The following GAS7 variants were observed in gnomAD, a reference collection of about 807,000 sequenced individuals.
GAS7 encodes the protein growth arrest specific 7.
A neutral mutation model predicts 71.1 loss-of-function variants in GAS7; 28 were observed. The ratio of observed to expected loss-of-function variants is 0.39; its 90% CI spans 0.29 to 0.54. GAS7 has a LOEUF of 0.54. GAS7 is among the 20% of genes least tolerant of loss of function. GAS7 has a pLI of 0.62. For synonymous variants in GAS7, 258 were observed against 245.8 expected, an observed-to-expected ratio of 1.05 and a Z score of -0.46; for missense variants, 436 against 627.8, an observed-to-expected ratio of 0.69 and a Z score of 3.27.
intron 1 of GAS7, among the ~76,000 whole-genome samples, chr17:10,154,132 G>A (rs2074187296): frequency 6.6e-6 from 1 of 152,034 alleles, no homozygotes; most frequent in South Asian, 2.1e-4. Flanking sequence ...TGCCTTTTTG[G>A]CAAATAGAAT....
At chr17:10,137,885 G>A (rs1390597269) in intron 1 of GAS7, among the ~76,000 whole-genome samples, 2 of 151,916 alleles carry the variant, frequency 1.3e-5, no homozygotes, top group Admixed American at 6.6e-5. Context: ...AAGGGAGGGA[G>A]GGAAAGGAAA....
At chr17:10,129,601 T>C (rs2073980313) in intron 1 of GAS7, among the ~76,000 whole-genome samples, 1 of 152,174 alleles carries the variant, frequency 6.6e-6, no homozygotes, top group Non-Finnish European at 1.5e-5. Flanking sequence ...GACTAGGTGA[T>C]GCCTTCATAG....
chr17:9,968,227 C>A (rs7213443), intron 4 of GAS7, among the ~76,000 whole-genome samples: 2 of 152,088 alleles, frequency 1.3e-5, no homozygotes, highest in Non-Finnish European at 2.9e-5. Flanking sequence ...TACAAAGCCA[C>A]GGTTGATTCA....
At chr17:9,952,431 A>G (rs1395305401) in intron 5 of GAS7, among the ~76,000 whole-genome samples, 1 of 151,914 alleles carries the variant, frequency 6.6e-6, no homozygotes, top group Non-Finnish European at 1.5e-5. Flanking sequence ...TGCTCTTGTC[A>G]CCAAGGTTGG....
rs12943357 is a variant in GAS7 at position 10,005,184 on chromosome 17, T to C, written c.304+14593A>G. Reference sequence around the variant, plus strand: ...GTGTGCGCACGCATGCATGTATGTGTATGTGCACGCATGCATGTGTGTGCA... The same window carrying C: ...GTGTGCGCACGCATGCATGTATGTGCATGTGCACGCATGCATGTGTGTGCA... On this transcript the variant is annotated intron_variant, in intron 2 of 13. Coordinates refer to ENST00000432992, the MANE Select transcript of GAS7 (RefSeq NM_201433.2). Among the ~76,000 whole-genome samples the C allele has an allele frequency of 3.9e-3, 518 of 133,670 alleles. 8 individuals are homozygous for C. Among genetic ancestry groups the C allele is most frequent in the African/African-American group, 0.012 (486 of 38,944 alleles). The allele number at this position is 133,670 out of a possible 152,430, so 87.7% of individuals were successfully genotyped here. A position where few individuals can be genotyped will look rare whatever the true frequency, so the allele number is the denominator to read the frequency against.
chr17:10,059,747 C>T, intron 1 of GAS7: 1 of 985,276 alleles, frequency 1.0e-6, no homozygotes, highest in Non-Finnish European at 1.2e-6. Context: ...TTTTCTGCCA[C>T]CATCCCCACA....
intron 1 of GAS7, among the ~76,000 whole-genome samples, chr17:10,110,533 T>C (rs540008861): frequency 6.6e-6 from 1 of 152,292 alleles, no homozygotes; most frequent in Non-Finnish European, 1.5e-5. Context: ...TGGCGCAATC[T>C]TGGCTCACGG....
rs558006469 is a variant in GAS7, at chr17:10,148,961, C to T, written c.183+49247G>A. Among the ~76,000 whole-genome samples, 212 of 150,404 alleles carry T rather than the reference C, an allele frequency of 1.4e-3. 1 individual carries two copies. Among genetic ancestry groups the T allele is most frequent in the African/African-American group, 5.0e-3 (205 of 40,820 alleles). Reference sequence around the variant, plus strand: ...CTTGAACAGAACGGTATCAGGTCAACTGGATGATGAATAAATGATGGAGAA... The same window carrying T: ...CTTGAACAGAACGGTATCAGGTCAATTGGATGATGAATAAATGATGGAGAA... On this transcript the variant is annotated intron_variant, in intron 1 of 13. Coordinates refer to ENST00000432992, the MANE Select transcript of GAS7 (RefSeq NM_201433.2).
chr17:9,989,988 G>A (rs1000926109), intron 2 of GAS7, among the ~76,000 whole-genome samples: 2 of 152,168 alleles, frequency 1.3e-5, no homozygotes, highest in African/African-American at 4.8e-5. Context: ...AGCTCACCCT[G>A]GCCGGGCATG....
intron 1 of GAS7, among the ~76,000 whole-genome samples, chr17:10,186,470 G>A (rs1043258230): frequency 2.5e-4 from 36 of 144,186 alleles, no homozygotes; most frequent in Non-Finnish European, 1.5e-4. Flanking sequence ...GTGCGATCTC[G>A]GTGGCTCACT....
chr17:9,938,659 C>G (rs1247091726), intron 8 of GAS7, among the ~76,000 whole-genome samples: 1 of 151,556 alleles, frequency 6.6e-6, no homozygotes, highest in African/African-American at 2.4e-5. Context: ...TCCAGAGCCA[C>G]GAGAAAATAA....
intron 1 of GAS7, among the ~76,000 whole-genome samples, chr17:10,165,940 G>T (rs2074290638): frequency 6.6e-6 from 1 of 152,018 alleles, no homozygotes. Context: ...TTCTGTCCTT[G>T]GTCGGCCTCG....
In GAS7 at chr17:9,974,154, T is replaced by A. The variant is rs964315500; in HGVS notation, c.386-4392A>T. On this transcript the variant is annotated intron_variant, in intron 3 of 13. Transcript: ENST00000432992. The surrounding 1 kb of genome is among the most constrained non-coding windows in gnomAD (Gnocchi z 4.0). ...TCAGCTGATGGCTAATTACTGCTCA[T>A]GTCAAAACAATTACGAGGAAAGAAA... is the stretch of plus-strand genomic sequence containing the variant. Among the ~76,000 whole-genome samples the A allele has an allele frequency of 6.6e-6, 1 of 152,236 alleles. No individual in the cohort carries two copies. The highest frequency in any genetic ancestry group is 2.4e-5 in the African/African-American group (1 of 41,462).
At chr17:10,169,906 C>T (rs1477671761) in intron 1 of GAS7, among the ~76,000 whole-genome samples, 2 of 152,164 alleles carry the variant, frequency 1.3e-5, no homozygotes, top group Non-Finnish European at 2.9e-5. Flanking sequence ...AAACCTGCTG[C>T]TTCCGTTCCT....
At chr17:9,965,751 C>T (rs147286143) in intron 4 of GAS7, among the ~76,000 whole-genome samples, 139 of 152,314 alleles carry the variant, frequency 9.1e-4, no homozygotes, top group African/African-American at 3.1e-3. Context: ...TGCATTTACC[C>T]AGTACCTGGG....
chr17:10,103,546 C>T lies in GAS7; in HGVS notation c.184-83649G>A, dbSNP rs11651342. On this transcript the variant is annotated intron_variant, in intron 1 of 13. Coordinates refer to ENST00000432992, the MANE Select transcript of GAS7 (RefSeq NM_201433.2). This position sits in a 1 kb window ranked among gnomAD's most constrained non-coding sequence, Gnocchi z 5.5. Reference sequence around the variant, plus strand: ...ACTTAGAAAGATAGGAACAACCCGGCCAGGCGCGATGGCTCCCACCTGTAA... The same window carrying T: ...ACTTAGAAAGATAGGAACAACCCGGTCAGGCGCGATGGCTCCCACCTGTAA... Among the ~76,000 whole-genome samples, 25,481 of 151,936 alleles carry T rather than the reference C, an allele frequency of 0.17. 2,960 individuals carry two copies. The highest frequency in any genetic ancestry group is 0.33 in the African/African-American group (13,562 of 41,400).
chr17:9,917,008 C>T lies in GAS7; in HGVS notation c.*220G>A. ...GCATGGGAGTCAGGGGGTCTTCAGCCTCAGAGACAAGGGCAGGGCTGTGGG... is the reference window on the plus strand; with the variant it reads ...GCATGGGAGTCAGGGGGTCTTCAGCTTCAGAGACAAGGGCAGGGCTGTGGG... On this transcript the variant is annotated 3_prime_UTR_variant, in exon 14 of 14. Transcript: ENST00000432992. 3 of 577,728 alleles carry T rather than the reference C, an allele frequency of 5.2e-6. No individual in the cohort carries two copies. The highest frequency in any genetic ancestry group is 9.3e-6 in the Non-Finnish European group (3 of 323,392). The allele number at this position is 577,728 out of a possible 1,614,324, so 35.8% of individuals were successfully genotyped here.
intron 8 of GAS7, among the ~76,000 whole-genome samples, chr17:9,935,592 A>G (rs2068372180): frequency 6.6e-6 from 1 of 152,266 alleles, no homozygotes; most frequent in African/African-American, 2.4e-5. Context: ...GGTCTGGAGC[A>G]GAGCAGCCAG....
chr17:9,952,841 A>C (rs1567815617), intron 5 of GAS7, among the ~76,000 whole-genome samples: 1 of 152,174 alleles, frequency 6.6e-6, no homozygotes, highest in Non-Finnish European at 1.5e-5. Flanking sequence ...AAAGGTCAAA[A>C]AATAACAGGT....
Sources: allele counts gnomAD v4.1 joint callset (sites outside exome capture counted in the v4.1 genomes callset), GRCh38; gene constraint gnomAD v4.1.1; non-coding constraint Gnocchi (gnomAD v3.1); transcripts MANE v1.5; gene names NCBI Gene and HGNC (gene_info 2026-07-23, HGNC 2026-07-21).